NOL4: variants seen among roughly 807,000 people sequenced by gnomAD.
NOL4 encodes cancer/testis antigen 125.
In NOL4, 17 loss-of-function variants were observed where a neutral mutation model predicts 75.9. The ratio of observed to expected loss-of-function variants is 0.22; its 90% CI spans 0.15 to 0.34. NOL4 has a LOEUF of 0.34. NOL4 is among the 10% of genes least tolerant of loss of function. The probability of loss-of-function intolerance (pLI) is 1.00; values close to 1 mark genes in which losing one functional copy is unlikely to be tolerated. For synonymous variants in NOL4, 292 were observed against 289.9 expected (o/e 1.01, Z -0.07); for missense variants, 614 against 793.5 (o/e 0.77, Z 2.72).
intron 6 of NOL4, among the ~76,000 whole-genome samples, chr18:33,968,878 T>C (rs1406370336): frequency 1.3e-5 from 2 of 152,238 alleles, no homozygotes. Context: ...TGCTTCTTCA[T>C]ACGACAACAG....
chr18:34,123,937 T>G (rs2080269630), intron 2 of NOL4, among the ~76,000 whole-genome samples: 2 of 151,996 alleles, frequency 1.3e-5, no homozygotes. Flanking sequence ...ACAAATTTAT[T>G]GTGTAACAGT....
At chr18:34,061,118 G>C (rs2077048441) in intron 5 of NOL4, among the ~76,000 whole-genome samples, 1 of 152,062 alleles carries the variant, frequency 6.6e-6, no homozygotes, top group Admixed American at 6.6e-5. Flanking sequence ...AACAAAAACA[G>C]CCTTATATTA....
rs1301161192 is a variant in NOL4, at chr18:34,194,457, A to AAGGAAGGAAGGAAGGC, written c.264+28532_264+28533insGCCTTCCTTCCTTCCT. Reference sequence around the variant, plus strand: ...GAAGGAAGGAAGGAAGGAAGGAAGGAAGGCAGGCAGGCAGGCAGGCAGGCA... The same window carrying AAGGAAGGAAGGAAGGC: ...GAAGGAAGGAAGGAAGGAAGGAAGGAAGGAAGGAAGGAAGGCAGGCAGGCAGGCAGGCAGGCAGGCA... On this transcript the variant is annotated intron_variant, in intron 1 of 10. Coordinates refer to ENST00000261592, the MANE Select transcript of NOL4 (RefSeq NM_003787.5). Among the ~76,000 whole-genome samples, 151 of 146,306 alleles carry AAGGAAGGAAGGAAGGC rather than the reference A, an allele frequency of 1.0e-3. 1 individual carries two copies. The highest frequency in any genetic ancestry group is 3.6e-3 in the African/African-American group (143 of 39,340).
intron 6 of NOL4, among the ~76,000 whole-genome samples, chr18:33,989,190 C>CAAAAAAA (rs55924436): frequency 1.5e-5 from 1 of 65,104 alleles, no homozygotes; most frequent in Non-Finnish European, 2.7e-5. Flanking sequence ...CCCATCTCTA[C>CAAAAAAA]AAAAAAAAAA....
At chr18:34,077,711 G>A (rs2077813733) in intron 5 of NOL4, among the ~76,000 whole-genome samples, 1 of 152,016 alleles carries the variant, frequency 6.6e-6, no homozygotes, top group Non-Finnish European at 1.5e-5. Context: ...TCATTCATAT[G>A]AAATAATTAA....
intron 2 of NOL4, among the ~76,000 whole-genome samples, chr18:34,114,217 A>AT (rs1568359364): frequency 1.3e-5 from 2 of 152,298 alleles, no homozygotes; most frequent in East Asian, 3.9e-4. Flanking sequence ...AGTACAGAAC[A>AT]TTTTCTAGAA....
intron 2 of NOL4, among the ~76,000 whole-genome samples, chr18:34,117,258 G>T (rs553606292): frequency 6.6e-6 from 1 of 152,240 alleles, no homozygotes; most frequent in East Asian, 1.9e-4. Flanking sequence ...CTTCAGAGAG[G>T]TTGTGTATTT....
At chr18:34,098,744 T>C (rs2078905576) in intron 4 of NOL4, among the ~76,000 whole-genome samples, 1 of 152,168 alleles carries the variant, frequency 6.6e-6, no homozygotes, top group African/African-American at 2.4e-5. Context: ...TTTAAGTGGA[T>C]GTGTTGCACA....
At chr18:34,108,352 A>G (rs1450056646) in intron 2 of NOL4, among the ~76,000 whole-genome samples, 1 of 152,146 alleles carries the variant, frequency 6.6e-6, no homozygotes, top group Non-Finnish European at 1.5e-5. Context: ...TCTATCAATA[A>G]TTACATTAAA....
chr18:34,107,841 C>G (rs2145711789), intron 2 of NOL4, among the ~76,000 whole-genome samples: 1 of 152,200 alleles, frequency 6.6e-6, no homozygotes, highest in Middle Eastern at 3.4e-3. Flanking sequence ...CATCCATGCA[C>G]AAAAATACCT....
At chr18:33,972,677 C>A (rs1008844858) in intron 6 of NOL4, among the ~76,000 whole-genome samples, 1 of 152,132 alleles carries the variant, frequency 6.6e-6, no homozygotes, top group African/African-American at 2.4e-5. Flanking sequence ...AAAGTGAATA[C>A]CATAATAAAG....
At chr18:33,942,659 T>C (rs914395818) in intron 9 of NOL4, among the ~76,000 whole-genome samples, 17 of 151,888 alleles carry the variant, frequency 1.1e-4, no homozygotes, top group African/African-American at 3.1e-4. Flanking sequence ...TGTATTGGCA[T>C]GCGGTAGTAG....
intron 9 of NOL4, among the ~76,000 whole-genome samples, chr18:33,914,893 G>A (rs1165680898): frequency 6.6e-6 from 1 of 152,094 alleles, no homozygotes; most frequent in African/African-American, 2.4e-5. Flanking sequence ...CTGGAGTTCA[G>A]GGAGGAGTCC....
At chr18:34,034,621 C>G (rs988665174) in intron 5 of NOL4, among the ~76,000 whole-genome samples, 3 of 152,020 alleles carry the variant, frequency 2.0e-5, no homozygotes, top group African/African-American at 7.2e-5. Flanking sequence ...CACCGATAGT[C>G]CCAGCTACTC....
chr18:33,970,990 G>A (rs564046009), intron 6 of NOL4, among the ~76,000 whole-genome samples: 1 of 152,072 alleles, frequency 6.6e-6, no homozygotes, highest in South Asian at 2.1e-4. Flanking sequence ...AGGAAAAGGT[G>A]GTGTGCTTAT....
chr18:34,160,435 A>G (rs1039866473), intron 1 of NOL4, among the ~76,000 whole-genome samples: 43 of 152,230 alleles, frequency 2.8e-4, no homozygotes, highest in African/African-American at 9.4e-4. Flanking sequence ...CTGATTATAT[A>G]TATTATATAC....
chr18:34,174,004 T>G (rs1264417630), intron 1 of NOL4, among the ~76,000 whole-genome samples: 1 of 152,194 alleles, frequency 6.6e-6, no homozygotes, highest in Non-Finnish European at 1.5e-5. Flanking sequence ...ATTATTTCAA[T>G]TGAACTTTAA....
At chr18:34,066,349 T>C (rs919377596) in intron 5 of NOL4, among the ~76,000 whole-genome samples, 1 of 152,004 alleles carries the variant, frequency 6.6e-6, no homozygotes, top group Non-Finnish European at 1.5e-5. Flanking sequence ...GTTTCTTATG[T>C]CCATTCTTAA....
chr18:34,121,462 T>C (rs563430670), intron 2 of NOL4: 2 of 152,186 alleles, frequency 1.3e-5, no homozygotes, highest in Non-Finnish European at 2.9e-5. Context: ...GCATTTCTTT[T>C]TGAACACATA....
Sources: allele counts gnomAD v4.1 joint callset (sites outside exome capture counted in the v4.1 genomes callset), GRCh38; gene constraint gnomAD v4.1.1; transcripts MANE v1.5; gene names NCBI Gene and HGNC (gene_info 2026-07-23, HGNC 2026-07-21).